DCC: variants seen among roughly 807,000 people sequenced by gnomAD.
The protein encoded by DCC is DCC netrin 1 receptor, also known as netrin receptor DCC.
Under a neutral mutation model 172.5 loss-of-function variants are expected in DCC, and 58 were observed. The ratio of observed to expected loss-of-function variants is 0.34; its 90% CI spans 0.27 to 0.42. DCC has a LOEUF of 0.42. Ranked by LOEUF, DCC falls within the 10% of genes least tolerant of loss-of-function variation. DCC has a pLI of 1.00. For synonymous variants in DCC, 709 were observed against 644.5 expected, an observed-to-expected ratio of 1.10 and a Z score of -1.52; for missense variants, 1,740 against 1,791.0, an observed-to-expected ratio of 0.97 and a Z score of 0.51.
At chr18:52,587,322 C>T (rs931573589) in intron 1 of DCC, among the ~76,000 whole-genome samples, 1 of 152,182 alleles carries the variant, frequency 6.6e-6, no homozygotes, top group Non-Finnish European at 1.5e-5. Context: ...CCACTTTGTT[C>T]ATAGACCCAT....
intron 2 of DCC, among the ~76,000 whole-genome samples, chr18:52,899,012 C>T (rs971411881): frequency 6.6e-6 from 1 of 152,172 alleles, no homozygotes; most frequent in Non-Finnish European, 1.5e-5. Flanking sequence ...ATAATATTTT[C>T]ACAAATGCCT....
chr18:52,655,800 A>C (rs2035232013), intron 1 of DCC, among the ~76,000 whole-genome samples: 1 of 151,908 alleles, frequency 6.6e-6, no homozygotes. Flanking sequence ...CAAACAAACA[A>C]GACACAAATT....
chr18:52,908,071 C>A (rs1177212737), intron 3 of DCC, among the ~76,000 whole-genome samples: 32 of 152,194 alleles, frequency 2.1e-4, no homozygotes, highest in Admixed American at 2.1e-3. Context: ...AAGGCACACA[C>A]TGGAGAAATT....
At chr18:53,180,510 C>A (rs1017739975) in intron 9 of DCC, among the ~76,000 whole-genome samples, 2 of 151,814 alleles carry the variant, frequency 1.3e-5, no homozygotes, top group African/African-American at 4.8e-5. Context: ...TACAGCAGAA[C>A]GTGAGTCCTT....
intron 12 of DCC, among the ~76,000 whole-genome samples, chr18:53,294,862 T>C (rs1451175218): frequency 6.6e-6 from 1 of 152,208 alleles, no homozygotes; most frequent in Non-Finnish European, 1.5e-5. Context: ...CTGGCACTTT[T>C]ACGAGAACCA....
intron 1 of DCC, among the ~76,000 whole-genome samples, chr18:52,680,967 T>A (rs2035740435): frequency 6.6e-6 from 1 of 152,106 alleles, no homozygotes; most frequent in South Asian, 2.1e-4. Context: ...CCAACTATAA[T>A]GCCTGAAAAC....
intron 5 of DCC, among the ~76,000 whole-genome samples, chr18:53,022,537 A>G (rs199706752): frequency 1.8e-5 from 2 of 109,826 alleles, no homozygotes; most frequent in South Asian, 3.0e-4. Context: ...TTTTATATAT[A>G]TATGTGCGTG....
intron 1 of DCC, among the ~76,000 whole-genome samples, chr18:52,664,699 C>T (rs1186065278): frequency 6.6e-6 from 1 of 151,874 alleles, no homozygotes; most frequent in East Asian, 1.9e-4. Flanking sequence ...TCTCGATCTC[C>T]TGACCTCGTG....
At chr18:52,597,775 G>A (rs569551969) in intron 1 of DCC, among the ~76,000 whole-genome samples, 2 of 152,266 alleles carry the variant, frequency 1.3e-5, no homozygotes, top group South Asian at 2.1e-4. Flanking sequence ...TATTATTAAT[G>A]ATCTTCAAGC....
rs368493647 is a variant in DCC at position 53,366,818 on chromosome 18, C to T, written c.2360-19225C>T. Among the ~76,000 whole-genome samples, 5 of 152,314 alleles carry T rather than the reference C, an allele frequency of 3.3e-5. No individual in the cohort carries two copies. The East Asian group carries it at 5.8e-4, about 18-fold the overall frequency. ...GAGCAAAGGTGCCAATGCCATCCTC[C>T]GGCCTTGCCCACTCACAGAATGCAG... On this transcript the variant is annotated intron_variant, in intron 15 of 28. Coordinates refer to ENST00000442544, the MANE Select transcript of DCC (RefSeq NM_005215.4).
At chr18:52,992,591 T>C (rs901565858) in intron 5 of DCC, among the ~76,000 whole-genome samples, 1 of 152,210 alleles carries the variant, frequency 6.6e-6, no homozygotes, top group African/African-American at 2.4e-5. Flanking sequence ...AAGCCACTGA[T>C]TCTTAATAGA....
rs184042535 is a variant in DCC at position 53,395,075 on chromosome 18, G to A, written c.2689-2233G>A. Among the ~76,000 whole-genome samples the A allele has an allele frequency of 7.4e-3, 1,123 of 151,456 alleles. 15 individuals are homozygous for A. The highest frequency in any genetic ancestry group is 0.026 in the Admixed American group (395 of 15,202). The stretch of plus-strand genomic sequence containing the variant: ...TGAGGCATGCGAATCACTTGAACCC[G>A]AGAGGCTGAGGTTGCAGCGAGCCAA... On this transcript the variant is annotated intron_variant, in intron 17 of 28. Transcript: ENST00000442544.
intron 27 of DCC, among the ~76,000 whole-genome samples, chr18:53,508,903 CACTT>C (rs2046216837): frequency 6.6e-6 from 1 of 152,196 alleles, no homozygotes; most frequent in Admixed American, 6.5e-5. Flanking sequence ...TTCACTGTCT[CACTT>C]AAATGGTCAC....
At chr18:52,364,366 TAC>T (rs869181115) in intron 1 of DCC, among the ~76,000 whole-genome samples, 4 of 149,018 alleles carry the variant, frequency 2.7e-5, no homozygotes, top group East Asian at 4.6e-4. Context: ...CACTCATCGT[TAC>T]ATGACTCAGA....
At chr18:53,503,230 C>A (rs2046126384) in intron 27 of DCC, among the ~76,000 whole-genome samples, 1 of 152,138 alleles carries the variant, frequency 6.6e-6, no homozygotes, top group African/African-American at 2.4e-5. Flanking sequence ...TTATAGTAAG[C>A]AGTAATTAGA....
chr18:52,518,539 C>G lies in DCC; in HGVS notation c.91+177661C>G, dbSNP rs1480888088. On this transcript the variant is annotated intron_variant, in intron 1 of 28. Coordinates refer to ENST00000442544, the MANE Select transcript of DCC (RefSeq NM_005215.4). ...ACAGGAAGGTAGTCATAGAATAACACTGAAATCCTTCTGACTTGGTGTATC... is the reference window on the plus strand; with the variant it reads ...ACAGGAAGGTAGTCATAGAATAACAGTGAAATCCTTCTGACTTGGTGTATC... Among the ~76,000 whole-genome samples, 3 of 152,156 alleles carry G rather than the reference C, an allele frequency of 2.0e-5. No individual in the cohort carries two copies. The East Asian group carries it at 5.8e-4, about 29-fold the overall frequency.
At chr18:53,191,399 A>G (rs1038941811) in intron 9 of DCC, among the ~76,000 whole-genome samples, 7 of 152,142 alleles carry the variant, frequency 4.6e-5, no homozygotes, top group African/African-American at 1.7e-4. Flanking sequence ...TGGATATAAT[A>G]TGTTTTGTAT....
intron 2 of DCC, among the ~76,000 whole-genome samples, chr18:52,831,922 G>T (rs1715071082): frequency 6.6e-6 from 1 of 152,060 alleles, no homozygotes; most frequent in Non-Finnish European, 1.5e-5. Flanking sequence ...AACAAAGGAG[G>T]CCAGTGCCCG....
At chr18:52,708,740 C>T (rs915237666) in intron 1 of DCC, among the ~76,000 whole-genome samples, 4 of 152,056 alleles carry the variant, frequency 2.6e-5, no homozygotes, top group African/African-American at 7.2e-5. Context: ...TACCTAAAAA[C>T]TAACAGGAAA....
Sources: allele counts gnomAD v4.1 joint callset (sites outside exome capture counted in the v4.1 genomes callset), GRCh38; gene constraint gnomAD v4.1.1; transcripts MANE v1.5; gene names NCBI Gene and HGNC (gene_info 2026-07-23, HGNC 2026-07-21).